The following SEMA4D variants were observed in gnomAD, a reference collection of about 807,000 sequenced individuals.
The protein encoded by SEMA4D is semaphorin-4D.
SEMA4D carries 22 observed loss-of-function variants against 74.8 expected under a neutral mutation model. The ratio of observed to expected loss-of-function variants is 0.29; its 90% CI spans 0.21 to 0.42. SEMA4D has a LOEUF of 0.42. Among genes scored for constraint, SEMA4D ranks in the 10% least tolerant of loss-of-function variants. The pLI, the probability that SEMA4D is intolerant of heterozygous loss-of-function variation, is 1.00. For synonymous variants in SEMA4D, 445 were observed against 463.7 expected, an observed-to-expected ratio of 0.96 and a Z score of 0.52; for missense variants, 937 against 1,118.4, an observed-to-expected ratio of 0.84 and a Z score of 2.31.
intron 1 of SEMA4D, among the ~76,000 whole-genome samples, chr9:89,490,928 C>A (rs1588202610): frequency 6.6e-6 from 1 of 152,312 alleles, no homozygotes; most frequent in South Asian, 2.1e-4. Context: ...AGCATAAAAG[C>A]AGCCACAGAT....
chr9:89,378,529 C>T lies in SEMA4D; in HGVS notation c.*175G>A. The T allele has an allele frequency of 1.7e-6, 1 of 592,288 alleles. No homozygotes were observed. Among genetic ancestry groups the T allele is most frequent in the Non-Finnish European group, 3.0e-6 (1 of 334,478 alleles). The allele number at this position is 592,288 out of a possible 1,614,324, so 36.7% of individuals were successfully genotyped here. On this transcript the variant is annotated 3_prime_UTR_variant, in exon 16 of 16. Coordinates refer to ENST00000422704, the MANE Select transcript of SEMA4D (RefSeq NM_001371194.2). ...ATTTTTCCAAAAGGACAAAGAGAAACCAAGTCACAGGCTCAACCCAAGAGA... is the reference window on the plus strand; with the variant it reads ...ATTTTTCCAAAAGGACAAAGAGAAATCAAGTCACAGGCTCAACCCAAGAGA...
rs140807583 is a variant in SEMA4D at position 89,421,708 on chromosome 9, A to G, written c.-243-16009T>C. On this transcript the variant is annotated intron_variant, in intron 2 of 15. Transcript: ENST00000422704. The stretch of plus-strand genomic sequence containing the variant: ...AAAAGAATAAAGCTGCAATTGTATG[A>G]AAGGGCGCTGTTCAGTAAAAAGTAA... Among the ~76,000 whole-genome samples the G allele has an allele frequency of 2.1e-3, 315 of 152,358 alleles. 3 individuals carry two copies. The highest frequency in any genetic ancestry group is 0.018 in the East Asian group (95 of 5,180).
At chr9:89,434,251 G>A (rs1019954620) in intron 2 of SEMA4D, among the ~76,000 whole-genome samples, 7 of 152,106 alleles carry the variant, frequency 4.6e-5, no homozygotes, top group African/African-American at 7.2e-5. Flanking sequence ...TCCAGCACGC[G>A]TGTAGGTAGA....
At chr9:89,415,917 G>A (rs1054706437) in intron 2 of SEMA4D, among the ~76,000 whole-genome samples, 1 of 152,052 alleles carries the variant, frequency 6.6e-6, no homozygotes, top group Non-Finnish European at 1.5e-5. Flanking sequence ...CTGGTGCTTC[G>A]GTCCCCCAGA....
intron 1 of SEMA4D, among the ~76,000 whole-genome samples, chr9:89,485,323 CCTAA>C (rs138055005): frequency 5.6e-4 from 85 of 152,264 alleles, no homozygotes; most frequent in African/African-American, 2.0e-3. Flanking sequence ...GCACATCCTG[CCTAA>C]CTATTTCACT....
downstream of SEMA4D, chr9:89,377,093 G>C (rs767139609): frequency 4.7e-6 from 7 of 1,501,506 alleles, no homozygotes; most frequent in Non-Finnish European, 6.3e-6. Flanking sequence ...CACTGAGGAA[G>C]AAGTCGCCAG....
intron 1 of SEMA4D, among the ~76,000 whole-genome samples, chr9:89,494,943 G>A (rs1825893118): frequency 6.6e-6 from 1 of 152,182 alleles, no homozygotes; most frequent in South Asian, 2.1e-4. Context: ...AAATGTCCAT[G>A]AGACACATCA....
chr9:89,430,129 A>C (rs1298865429), intron 2 of SEMA4D, among the ~76,000 whole-genome samples: 2 of 151,946 alleles, frequency 1.3e-5, no homozygotes, highest in African/African-American at 4.8e-5. Flanking sequence ...AAATGACAGA[A>C]AGTTCTGGAA....
At position 89,379,288 on chromosome 9, in the gene SEMA4D, C is replaced by A; in HGVS notation, c.2005G>T (p.Ala669Ser). ...GTGGATGCCACCAACACTTTGGTGG[C>A]AATCCTACTACCTTCTGTCTGAACA... Reference protein sequence around the residue: ...SVVQTEGSRIATKVLVASTQG... With the variant: ...SVVQTEGSRISTKVLVASTQG... Residue 669 changes from alanine (A) to serine (S), a missense_variant, in exon 16 of 16, where the codon GCC (alanine) becomes TCC (serine). Coordinates refer to ENST00000422704, the MANE Select transcript of SEMA4D (RefSeq NM_001371194.2). 6.2e-7 allele frequency: 1 copy of A among 1,614,034 alleles called. No homozygotes were observed.
In SEMA4D at chr9:89,484,990, G is replaced by T. The variant is rs973269079; in HGVS notation, c.-310+12929C>A. On this transcript the variant is annotated intron_variant, in intron 1 of 15. Transcript: ENST00000422704. This position sits in a 1 kb window ranked among gnomAD's most constrained non-coding sequence, Gnocchi z 4.1. ...TGGAGGCATATGTGTGTAGTATGTT[G>T]TGTGTGTGTGTGTGTGTGTGTTCCA... Among the ~76,000 whole-genome samples, 70 of 97,958 alleles carry T rather than the reference G, an allele frequency of 7.1e-4. No individual in the cohort carries two copies. The highest frequency in any genetic ancestry group is 1.7e-3 in the African/African-American group (51 of 29,738). The allele number at this position is 97,958 out of a possible 152,430, so 64.3% of individuals were successfully genotyped here.
intron 2 of SEMA4D, among the ~76,000 whole-genome samples, chr9:89,409,438 C>T (rs1321065405): frequency 3.3e-5 from 5 of 152,072 alleles, no homozygotes; most frequent in Non-Finnish European, 5.9e-5. Context: ...GTGGGTTCAC[C>T]GACTGTAGCA....
At chr9:89,497,670 G>GGGGGTCGGA (rs1826140479) in intron 1 of SEMA4D, among the ~76,000 whole-genome samples, 1 of 151,616 alleles carries the variant, frequency 6.6e-6, no homozygotes, top group Non-Finnish European at 1.5e-5. Flanking sequence ...GAGAGGTCCA[G>GGGGGTCGGA]GGGGTCGGAG....
At chr9:89,383,111 G>A (rs141842777) in intron 13 of SEMA4D, among the ~76,000 whole-genome samples, 1 of 152,340 alleles carries the variant, frequency 6.6e-6, no homozygotes, top group African/African-American at 2.4e-5. Context: ...CGTCAGGACA[G>A]CCAGCTGTAA....
intron 1 of SEMA4D, among the ~76,000 whole-genome samples, chr9:89,471,526 G>A (rs375275077): frequency 1.4e-4 from 21 of 152,170 alleles, no homozygotes; most frequent in African/African-American, 5.1e-4. Flanking sequence ...ACAGCTTGCT[G>A]TGCTTCATGT....
chr9:89,437,622 C>T (rs1272934231), intron 2 of SEMA4D, among the ~76,000 whole-genome samples: 1 of 152,226 alleles, frequency 6.6e-6, no homozygotes, highest in Non-Finnish European at 1.5e-5. Flanking sequence ...CCATGTGTGC[C>T]AGCGGCAAGG....
intron 1 of SEMA4D, among the ~76,000 whole-genome samples, chr9:89,486,723 T>C (rs1396309768): frequency 5.3e-5 from 8 of 152,180 alleles, no homozygotes; most frequent in Non-Finnish European, 8.8e-5. Context: ...CTGGGAATCA[T>C]AGTGAAACTC....
intron 1 of SEMA4D, among the ~76,000 whole-genome samples, chr9:89,475,417 G>A (rs1861513531): frequency 6.6e-6 from 1 of 152,168 alleles, no homozygotes; most frequent in Non-Finnish European, 1.5e-5. Flanking sequence ...TGGTCCATGG[G>A]TCACAGCCTT....
chr9:89,430,217 A>G (rs1276013783), intron 2 of SEMA4D, among the ~76,000 whole-genome samples: 1 of 152,182 alleles, frequency 6.6e-6, no homozygotes, highest in African/African-American at 2.4e-5. Context: ...GGAAGTTTTC[A>G]GCAATACTCT....
At chr9:89,361,299 T>G (rs1478010554) in exon 19 of SEMA4D, 2 of 152,104 alleles carry the variant, frequency 1.3e-5, no homozygotes, top group East Asian at 3.9e-4. Context: ...CAAAGGCTGG[T>G]AGAGAATTTG....
Sources: allele counts gnomAD v4.1 joint callset (sites outside exome capture counted in the v4.1 genomes callset), GRCh38; gene constraint gnomAD v4.1.1; non-coding constraint Gnocchi (gnomAD v3.1); transcripts MANE v1.5; gene names NCBI Gene and HGNC (gene_info 2026-07-23, HGNC 2026-07-21).